Variants in DAB1 observed in about 807,000 individuals in gnomAD.
DAB1 encodes DAB adaptor protein 1, also known as disabled homolog 1.
A neutral mutation model predicts 64.6 loss-of-function variants in DAB1; 15 were observed. The ratio of observed to expected loss-of-function variants is 0.23; its 90% CI spans 0.16 to 0.36. DAB1 has a LOEUF of 0.36. Among genes scored for constraint, DAB1 ranks in the 10% least tolerant of loss-of-function variants. The probability of loss-of-function intolerance (pLI) is 1.00; values close to 1 mark genes in which losing one functional copy is unlikely to be tolerated. For missense variants in DAB1, 596 were observed against 706.7 expected (o/e 0.84, Z 1.78); for synonymous variants, 235 against 251.9 (o/e 0.93, Z 0.64).
intron 5 of DAB1, among the ~76,000 whole-genome samples, chr1:58,122,745 A>G (rs1475988471): frequency 6.6e-6 from 1 of 152,170 alleles, no homozygotes; most frequent in Non-Finnish European, 1.5e-5. Context: ...GTCTTTGTAT[A>G]GGAAAGGGTG....
At chr1:57,529,111 C>T (rs2805848) in intron 7 of DAB1, among the ~76,000 whole-genome samples, 110,750 of 151,258 alleles carry the variant, frequency 0.73, 40,582 homozygotes, top group South Asian at 0.8. Context: ...TATACAATTA[C>T]TGAGTTATTA....
chr1:58,215,112 G>A (rs1658774448), intron 4 of DAB1, among the ~76,000 whole-genome samples: 1 of 152,138 alleles, frequency 6.6e-6, no homozygotes, highest in Non-Finnish European at 1.5e-5. Flanking sequence ...TTGTAAGGTT[G>A]ACTTCTTTGA....
chr1:58,473,262 G>A (rs1645381078), intron 3 of DAB1, among the ~76,000 whole-genome samples: 1 of 152,182 alleles, frequency 6.6e-6, no homozygotes, highest in African/African-American at 2.4e-5. Context: ...TAACATGGGG[G>A]CCGGGCGCGG....
At chr1:57,351,970 A>G (rs531273331) in intron 1 of DAB1, among the ~76,000 whole-genome samples, 30 of 152,338 alleles carry the variant, frequency 2.0e-4, no homozygotes, top group African/African-American at 7.2e-4. Flanking sequence ...GAAGCAAAGT[A>G]GAGAAACAAT....
chr1:58,054,939 G>A lies in DAB1; in HGVS notation n.387+95572C>T, dbSNP rs183815011. 1.2e-4 allele frequency among the ~76,000 whole-genome samples: 19 copies of A among 152,324 alleles called. No individual in the cohort carries two copies. In the East Asian group the frequency reaches 3.3e-3, roughly 26 times the overall value. ...GCACAGCCACATTCGTGAAGGCATG[G>A]GCAGCCTTTCTACTCAGCAGCAGGT... On this transcript the variant is annotated intron_variant and non_coding_transcript_variant, in intron 5 of 20. Coordinates refer to the DAB1 transcript ENST00000485760.
chr1:58,113,421 C>T (rs1023109938), intron 5 of DAB1, among the ~76,000 whole-genome samples: 3 of 152,138 alleles, frequency 2.0e-5, no homozygotes, highest in Non-Finnish European at 4.4e-5. Context: ...GTATCATTTG[C>T]CATTAGCAAA....
chr1:58,491,444 G>C (rs900012007), intron 3 of DAB1, among the ~76,000 whole-genome samples: 1 of 152,144 alleles, frequency 6.6e-6, no homozygotes, highest in Non-Finnish European at 1.5e-5. Flanking sequence ...TGGGCTAAAT[G>C]TTCCAATCAA....
chr1:57,060,746 T>C lies in DAB1; in HGVS notation c.723+2138A>G, dbSNP rs1469489744. Among the ~76,000 whole-genome samples the C allele has an allele frequency of 2.0e-5, 3 of 151,790 alleles. No individual in the cohort carries two copies. In the East Asian group the frequency reaches 5.8e-4, roughly 29 times the overall value. ...TAAAACAAACAAACACAAAAAGATT[T>C]CAGTAGGGCTGGACCAGAAGGAGGT... On this transcript the variant is annotated intron_variant, in intron 9 of 14. Transcript: ENST00000371236.
intron 3 of DAB1, among the ~76,000 whole-genome samples, chr1:58,472,571 GTTC>G (rs1209461186): frequency 6.6e-6 from 1 of 152,188 alleles, no homozygotes; most frequent in Non-Finnish European, 1.5e-5. Flanking sequence ...TGCTCTATCT[GTTC>G]TTCTTAAGTC....
At chr1:57,356,988 A>C (rs1450413808) in intron 1 of DAB1, among the ~76,000 whole-genome samples, 1 of 151,994 alleles carries the variant, frequency 6.6e-6, no homozygotes, top group African/African-American at 2.4e-5. Context: ...TATACATTGG[A>C]AACAATAATG....
intron 5 of DAB1, among the ~76,000 whole-genome samples, chr1:58,057,809 G>C (rs924200453): frequency 1.3e-5 from 2 of 152,094 alleles, no homozygotes; most frequent in Admixed American, 1.3e-4. Flanking sequence ...TCCACATTGA[G>C]TGCCCACAAT....
intron 4 of DAB1, among the ~76,000 whole-genome samples, chr1:58,244,272 G>A (rs1660432988): frequency 6.6e-6 from 1 of 152,220 alleles, no homozygotes; most frequent in African/African-American, 2.4e-5. Flanking sequence ...GACGACTGTA[G>A]TGATGGTGAT....
At chr1:57,913,777 G>A (rs1039588584) in intron 5 of DAB1, among the ~76,000 whole-genome samples, 24 of 152,056 alleles carry the variant, frequency 1.6e-4, no homozygotes, top group Admixed American at 3.3e-4. Flanking sequence ...ATCAACAAGC[G>A]GGTGAAGGAT....
intron 4 of DAB1, among the ~76,000 whole-genome samples, chr1:58,221,711 C>T (rs148316928): frequency 2.6e-4 from 39 of 152,350 alleles, no homozygotes; most frequent in African/African-American, 9.4e-4. Context: ...AGTGTGCAGG[C>T]AGGTGCCTTG....
chr1:58,472,403 TTTTTA>T (rs1435430275), intron 3 of DAB1, among the ~76,000 whole-genome samples: 2 of 152,320 alleles, frequency 1.3e-5, no homozygotes, highest in East Asian at 3.9e-4. Context: ...AACTTTATAG[TTTTTA>T]TTTTGTTTTA....
chr1:58,461,403 G>A (rs1645241300), intron 3 of DAB1, among the ~76,000 whole-genome samples: 1 of 152,110 alleles, frequency 6.6e-6, no homozygotes, highest in African/African-American at 2.4e-5. Context: ...TCATTCTTTT[G>A]GAGCAATTAA....
At chr1:57,387,815 C>A (rs1322547473) in intron 1 of DAB1, among the ~76,000 whole-genome samples, 3 of 99,906 alleles carry the variant, frequency 3.0e-5, no homozygotes, top group African/African-American at 8.6e-5. Context: ...GAGCAAGACT[C>A]AGCCTCAAAA....
chr1:57,536,215 C>A (rs151254394), intron 7 of DAB1, among the ~76,000 whole-genome samples: 1 of 152,150 alleles, frequency 6.6e-6, no homozygotes, highest in Admixed American at 6.5e-5. Context: ...TCACACAGAC[C>A]CTGGCTTGGA....
At chr1:57,271,191 A>T (rs1670967746) in intron 2 of DAB1, among the ~76,000 whole-genome samples, 1 of 152,144 alleles carries the variant, frequency 6.6e-6, no homozygotes. Flanking sequence ...CATCTTTCCC[A>T]AGCTAATTGG....
Sources: gnomAD v4.1 joint callset for allele counts (sites outside exome capture counted in the v4.1 genomes callset) on GRCh38, gnomAD v4.1.1 for gene constraint, MANE v1.5 for transcripts, NCBI Gene and HGNC (gene_info 2026-07-23, HGNC 2026-07-21) for gene names.